Variants in TTC7B observed in about 807,000 individuals in gnomAD.
TTC7B encodes tetratricopeptide repeat domain 7B.
A neutral mutation model predicts 106.8 loss-of-function variants in TTC7B; 28 were observed. The observed-to-expected ratio is 0.26, with a 90% CI of 0.19 to 0.36. The LOEUF (loss-of-function observed/expected upper bound fraction) is 0.36, where lower values mean the gene tolerates loss of function less well. TTC7B is among the 10% of genes least tolerant of loss of function. The pLI, the probability that TTC7B is intolerant of heterozygous loss-of-function variation, is 1.00. For synonymous variants in TTC7B, 405 were observed against 430.6 expected (o/e 0.94, Z 0.74); for missense variants, 862 against 1,076.4 (o/e 0.80, Z 2.79).
chr14:90,789,851 G>A (rs374692385), intron 1 of TTC7B, among the ~76,000 whole-genome samples: 11 of 150,724 alleles, frequency 7.3e-5, no homozygotes, highest in East Asian at 3.9e-4. Context: ...AGCGGAGATC[G>A]CGCCACTGCA....
intron 15 of TTC7B, among the ~76,000 whole-genome samples, chr14:90,621,944 A>C (rs1379124768): frequency 6.6e-6 from 1 of 152,192 alleles, no homozygotes; most frequent in Admixed American, 6.5e-5. Context: ...GATACCAAAA[A>C]GATATAGATT....
chr14:90,551,211 C>A (rs900739291), intron 19 of TTC7B, among the ~76,000 whole-genome samples: 1 of 152,206 alleles, frequency 6.6e-6, no homozygotes, highest in African/African-American at 2.4e-5. Context: ...TGGGGCTAGA[C>A]AGCAGGCTCC....
intron 17 of TTC7B, chr14:90,605,808 G>T: frequency 8.5e-7 from 1 of 1,176,684 alleles, no homozygotes. Context: ...AAAAACTTTA[G>T]AAACACAAAG....
At chr14:90,656,712 G>A (rs747575918) in intron 11 of TTC7B, among the ~76,000 whole-genome samples, 4 of 152,138 alleles carry the variant, frequency 2.6e-5, no homozygotes, top group South Asian at 4.2e-4. Flanking sequence ...AGGATGACTC[G>A]AGCCCAAAAG....
Position 90,607,176 on chromosome 14 carries a change from G to GA in TTC7B, c.1966+3565dup, listed in dbSNP as rs201969697. 1.8e-3 allele frequency among the ~76,000 whole-genome samples: 281 copies of GA among 151,994 alleles called. 1 individual carries two copies. The highest frequency in any genetic ancestry group is 6.5e-3 in the African/African-American group (270 of 41,438). On this transcript the variant is annotated intron_variant, in intron 17 of 19. Transcript: ENST00000328459. ...TTTCCATAATAGAAATTAAAAAACA[G>GA]AAAAAAAATAAATTTAGTTCTGGGG...
rs1355561021 is a variant in TTC7B, at chr14:90,807,132, T to C, written c.121+9043A>G. ...AGGGAGCTTCTGGGACTCAGGACTT[T>C]GGATGCTACAACCAGAAAAGTCTCA... On this transcript the variant is annotated intron_variant, in intron 1 of 19. Coordinates refer to ENST00000328459, the MANE Select transcript of TTC7B (RefSeq NM_001010854.2). This position sits in a 1 kb window ranked among gnomAD's most constrained non-coding sequence, Gnocchi z 4.1. 6.6e-5 allele frequency among the ~76,000 whole-genome samples: 10 copies of C among 152,150 alleles called. No homozygotes were observed. The highest frequency in any genetic ancestry group is 8.8e-5 in the Non-Finnish European group (6 of 68,034).
At chr14:90,544,185 G>A (rs754360909) in intron 19 of TTC7B, among the ~76,000 whole-genome samples, 10 of 152,254 alleles carry the variant, frequency 6.6e-5, no homozygotes, top group Non-Finnish European at 1.0e-4. Flanking sequence ...GCTGCCTCAG[G>A]TAGAGATGGC....
At chr14:90,730,603 C>T (rs1889288529) in intron 4 of TTC7B, among the ~76,000 whole-genome samples, 1 of 152,198 alleles carries the variant, frequency 6.6e-6, no homozygotes, top group Non-Finnish European at 1.5e-5. Context: ...AGGCAGACTG[C>T]AGCTGCAGCC....
rs987871973 is a variant in TTC7B at position 90,536,618 on chromosome 14, T to G, written c.*4750A>C. The G allele has an allele frequency of 2.0e-5, 3 of 152,570 alleles. No homozygotes were observed. The highest frequency in any genetic ancestry group is 2.9e-5 in the Non-Finnish European group (2 of 68,236). The allele number at this position is 152,570 out of a possible 1,614,324, so 9.5% of individuals were successfully genotyped here. A position where few individuals can be genotyped will look rare whatever the true frequency, so the allele number is the denominator to read the frequency against. On this transcript the variant is annotated 3_prime_UTR_variant, in exon 20 of 20. Transcript: ENST00000328459. ...CCTCCCTCACACCCAGCTCCATGTG[T>G]GAGCAACCCTCTTGGCTCTGTCTTC...
At position 90,567,161 on chromosome 14, in the gene TTC7B, C is replaced by T. The variant is rs562928083; in HGVS notation, c.2310+10945G>A. The stretch of plus-strand genomic sequence containing the variant: ...CCCGCAAGAGCCTGAGGGTTTTAGA[C>T]TTGGTGATTCTTGGTAGATCTGTCT... On this transcript the variant is annotated intron_variant, in intron 19 of 19. Coordinates refer to ENST00000328459, the MANE Select transcript of TTC7B (RefSeq NM_001010854.2). Among the ~76,000 whole-genome samples, 33 of 152,356 alleles carry T rather than the reference C, an allele frequency of 2.2e-4. No homozygotes were observed. The South Asian group carries it at 5.6e-3, about 26-fold the overall frequency.
At chr14:90,719,725 A>G (rs573661436) in intron 5 of TTC7B, among the ~76,000 whole-genome samples, 19 of 152,324 alleles carry the variant, frequency 1.2e-4, no homozygotes, top group African/African-American at 4.1e-4. Context: ...TCTGTCCTAT[A>G]TCTATCTAAG....
At chr14:90,816,077 C>A (rs1024821834) in intron 1 of TTC7B, 98 bp downstream of exon 1, 48 of 978,716 alleles carry the variant, frequency 4.9e-5, no homozygotes, top group Non-Finnish European at 5.7e-5. Context: ...CCCGGCCGCG[C>A]CCCTGCCCGC....
At chr14:90,756,754 G>C (rs1890315146) in intron 3 of TTC7B, among the ~76,000 whole-genome samples, 2 of 152,168 alleles carry the variant, frequency 1.3e-5, no homozygotes, top group Non-Finnish European at 2.9e-5. Flanking sequence ...TGGTGTCACA[G>C]AAGAATTAAG....
At chr14:90,606,464 T>A (rs1892643978) in intron 17 of TTC7B, among the ~76,000 whole-genome samples, 1 of 152,236 alleles carries the variant, frequency 6.6e-6, no homozygotes, top group Admixed American at 6.5e-5. Context: ...TATCTATCAA[T>A]TATTAAAGAT....
At chr14:90,674,637 C>A (rs1011881233) in intron 9 of TTC7B, among the ~76,000 whole-genome samples, 53 of 152,232 alleles carry the variant, frequency 3.5e-4, no homozygotes, top group Non-Finnish European at 6.6e-4. Flanking sequence ...GAGCCCCTGG[C>A]ACAGAAGAGG....
At chr14:90,689,249 G>A (rs906378439) in intron 7 of TTC7B, among the ~76,000 whole-genome samples, 4 of 152,158 alleles carry the variant, frequency 2.6e-5, no homozygotes, top group African/African-American at 9.7e-5. Context: ...TGATGCTGAG[G>A]TCTTATAATA....
intron 4 of TTC7B, 34 bp downstream of exon 4, chr14:90,744,758 A>T (rs761553091): frequency 1.3e-5 from 21 of 1,600,612 alleles, no homozygotes; most frequent in Non-Finnish European, 1.8e-5. Context: ...TGAGGGAAAA[A>T]GTTATCAGGA....
At chr14:90,775,456 C>T (rs1249032960) in intron 3 of TTC7B, among the ~76,000 whole-genome samples, 2 of 152,136 alleles carry the variant, frequency 1.3e-5, no homozygotes, top group Non-Finnish European at 2.9e-5. Context: ...CAAACCTGGA[C>T]AGCCTGACCC....
At chr14:90,732,307 C>A (rs1414718819) in intron 4 of TTC7B, among the ~76,000 whole-genome samples, 1 of 152,206 alleles carries the variant, frequency 6.6e-6, no homozygotes, top group Non-Finnish European at 1.5e-5. Context: ...ATCCGAGCTG[C>A]CAGGACTTCC....
Sources: allele counts gnomAD v4.1 joint callset (sites outside exome capture counted in the v4.1 genomes callset), GRCh38; gene constraint gnomAD v4.1.1; non-coding constraint Gnocchi (gnomAD v3.1); transcripts MANE v1.5; gene names NCBI Gene and HGNC (gene_info 2026-07-23, HGNC 2026-07-21).